The following KDF1 variants were observed in gnomAD, a reference collection of about 807,000 sequenced individuals.
KDF1 encodes keratinocyte differentiation factor 1, also known as RP11-344H11.3.
Under a neutral mutation model 31.6 loss-of-function variants are expected in KDF1, and 11 were observed. The observed-to-expected ratio is 0.35, with a 90% CI of 0.22 to 0.58. The LOEUF (loss-of-function observed/expected upper bound fraction) is 0.58, where lower values mean the gene tolerates loss of function less well. Among genes scored for constraint, KDF1 ranks in the 20% least tolerant of loss-of-function variants. The pLI, the probability that KDF1 is intolerant of heterozygous loss-of-function variation, is 0.83. For synonymous variants in KDF1, 205 were observed against 214.4 expected, an observed-to-expected ratio of 0.96 and a Z score of 0.38; for missense variants, 476 against 549.1, an observed-to-expected ratio of 0.87 and a Z score of 1.33.
At chr1:26,953,792 T>G (rs1218549323) in intron 1 of KDF1, among the ~76,000 whole-genome samples, 2 of 151,962 alleles carry the variant, frequency 1.3e-5, no homozygotes, top group Non-Finnish European at 2.9e-5. Flanking sequence ...CCATCCCTAC[T>G]GAAAATACAA....
chr1:26,951,583 A>G lies in KDF1; in HGVS notation c.798T>C (p.Thr266=). The part of the protein sequence containing the change: ...IDELAKCTSD[T]VFLEKTSKIS... ...TCTTACTGGTCTTCTCCAGGAACAC[A>G]GTGTCTGATGTGCACTTGGCCAGCT... Residue 266 remains threonine (T), a synonymous_variant, in exon 2 of 4, where the codon ACT becomes ACC. Coordinates refer to ENST00000320567, the MANE Select transcript of KDF1 (RefSeq NM_152365.3). The surrounding 1 kb of genome is among the most constrained non-coding windows in gnomAD (Gnocchi z 5.4). The G allele has an allele frequency of 6.2e-7, 1 of 1,613,098 alleles. No homozygotes were observed. Among genetic ancestry groups the G allele is most frequent in the Non-Finnish European group, 8.5e-7 (1 of 1,179,264 alleles).
intron 1 of KDF1, among the ~76,000 whole-genome samples, chr1:26,959,827 C>A (rs966726989): frequency 1.2e-4 from 18 of 152,196 alleles, no homozygotes; most frequent in African/African-American, 4.3e-4. Flanking sequence ...CGAGAAACAG[C>A]CGTCGGCTCA....
rs1363600645 is a variant in KDF1 at position 26,950,126 on chromosome 1, G to A, written c.1140C>T (p.Ser380=). The A allele has an allele frequency of 6.2e-7, 1 of 1,613,920 alleles. No individual in the cohort carries two copies. The highest frequency in any genetic ancestry group is 2.2e-5 in the East Asian group (1 of 44,870). ...ACGAGTCTGTGTCGGTGCCCTGGAAGGATGAGTCATGGCTTGCTGGGTACC... is the reference window on the plus strand; with the variant it reads ...ACGAGTCTGTGTCGGTGCCCTGGAAAGATGAGTCATGGCTTGCTGGGTACC... ...APGYPASHDS[S]FQGTDTDSSG... The change falls in exon 4 of 4, where the codon TCC becomes TCT. Residue 380 remains serine (S), a synonymous_variant. Coordinates refer to ENST00000320567, the MANE Select transcript of KDF1 (RefSeq NM_152365.3). The surrounding 1 kb of genome is among the most constrained non-coding windows in gnomAD (Gnocchi z 4.0).
At chr1:26,959,534 C>G (rs2082391447) in intron 1 of KDF1, among the ~76,000 whole-genome samples, 1 of 152,136 alleles carries the variant, frequency 6.6e-6, no homozygotes, top group Non-Finnish European at 1.5e-5. Context: ...CAGGGGGCTT[C>G]CCGCAGTGGC....
rs543646653 is a variant in KDF1, at chr1:26,960,331, G to C, written c.-33+19C>G. On this transcript the variant is annotated intron_variant, in intron 1 of 3. Coordinates refer to ENST00000320567, the MANE Select transcript of KDF1 (RefSeq NM_152365.3). This position sits in a 1 kb window ranked among gnomAD's most constrained non-coding sequence, Gnocchi z 4.9. ...GCGCCGCCCTGGCTTGCGCCCCCCTGGGCCCGCGCCGGGCTTACCTGTCCC... is the reference window on the plus strand; with the variant it reads ...GCGCCGCCCTGGCTTGCGCCCCCCTCGGCCCGCGCCGGGCTTACCTGTCCC... 14 of 152,296 alleles carry C rather than the reference G, an allele frequency of 9.2e-5. 1 individual carries two copies. The South Asian group carries it at 2.3e-3, about 25-fold the overall frequency. The allele number at this position is 152,296 out of a possible 1,614,324, so 9.4% of individuals were successfully genotyped here.
rs2082346737 is a variant in KDF1, at chr1:26,951,278, C to T, written c.1039+64G>A. 7.0e-7 allele frequency: 1 copy of T among 1,425,892 alleles called. No homozygotes were observed. Among genetic ancestry groups the T allele is most frequent in the South Asian group, 1.5e-5 (1 of 68,394 alleles). The allele number at this position is 1,425,892 out of a possible 1,614,324, so 88.3% of individuals were successfully genotyped here. ...ACCCACAGTGACTAAAGACCCCATT[C>T]CAACCCTCCCCTGGCCAGAGCCTCC... On this transcript the variant is annotated intron_variant, in intron 2 of 3. Transcript: ENST00000320567. This position sits in a 1 kb window ranked among gnomAD's most constrained non-coding sequence, Gnocchi z 5.4.
chr1:26,952,283 G>C lies in KDF1; in HGVS notation c.98C>G (p.Pro33Arg). Residue 33 changes from proline (P) to arginine (R), a missense_variant, in exon 2 of 4, where the codon CCA becomes CGA. Pro to Arg is a moderately radical substitution (Grantham distance 103). Coordinates refer to ENST00000320567, the MANE Select transcript of KDF1 (RefSeq NM_152365.3). This position sits in a 1 kb window ranked among gnomAD's most constrained non-coding sequence, Gnocchi z 4.1. The stretch of plus-strand genomic sequence containing the variant: ...GCGGCGGCTTGGTGGGGGCTGAGGT[G>C]GTTTATCATATGTCTCCAGACATAG... The part of the protein sequence containing the change: ...TELCLETYDK[P>R]PQPPPSRRTR... 1 of 1,562,334 alleles carries C rather than the reference G, an allele frequency of 6.4e-7. No individual in the cohort carries two copies. Among genetic ancestry groups the C allele is most frequent in the Middle Eastern group, 1.7e-4 (1 of 5,814 alleles).
In KDF1 at chr1:26,950,238, G is replaced by A. The variant is rs938812139; in HGVS notation, c.1115-87C>T. On this transcript the variant is annotated intron_variant, in intron 3 of 3. Transcript: ENST00000320567. This position sits in a 1 kb window ranked among gnomAD's most constrained non-coding sequence, Gnocchi z 4.0. ...TGACCAGGGAGAAGCCTGCTGAGAA[G>A]GAGCAGAGTGGGACTTGAGCCTGGG... is the stretch of plus-strand genomic sequence containing the variant. 2 of 1,247,120 alleles carry A rather than the reference G, an allele frequency of 1.6e-6. No individual in the cohort carries two copies. Among genetic ancestry groups the A allele is most frequent in the Non-Finnish European group, 2.3e-6 (2 of 852,218 alleles). The allele number at this position is 1,247,120 out of a possible 1,614,324, so 77.3% of individuals were successfully genotyped here.
Position 26,950,656 on chromosome 1 carries a change from C to A in KDF1, c.1114+26G>T. On this transcript the variant is annotated intron_variant, in intron 3 of 3. Transcript: ENST00000320567. The surrounding 1 kb of genome is among the most constrained non-coding windows in gnomAD (Gnocchi z 4.0). ...CCCTAGGGTAGTCCCCCACCCTCCA[C>A]ACCCCTCATTAGGTCAAGACCACAC... 1 of 1,600,998 alleles carries A rather than the reference C, an allele frequency of 6.2e-7. No individual in the cohort carries two copies. The highest frequency in any genetic ancestry group is 8.6e-7 in the Non-Finnish European group (1 of 1,168,286).
Position 26,951,025 on chromosome 1 carries a change from G to A in KDF1, c.1040-269C>T, listed in dbSNP as rs964411272. Among the ~76,000 whole-genome samples the A allele has an allele frequency of 1.3e-5, 2 of 152,178 alleles. No individual in the cohort carries two copies. Among genetic ancestry groups the A allele is most frequent in the African/African-American group, 4.8e-5 (2 of 41,448 alleles). On this transcript the variant is annotated intron_variant, in intron 2 of 3. Coordinates refer to ENST00000320567, the MANE Select transcript of KDF1 (RefSeq NM_152365.3). The surrounding 1 kb of genome is among the most constrained non-coding windows in gnomAD (Gnocchi z 5.4). ...CAGACCAGGCCTAGAAGCTACTCTG[G>A]CAGGAGACAGCAGAGGAGAGGAGCC...
rs1485546031 is a variant in KDF1 at position 26,951,594 on chromosome 1, T to A, written c.787A>T (p.Thr263Ser). ...TTCTCCAGGAACACAGTGTCTGATG[T>A]GCACTTGGCCAGCTCATCGATCTGG... ...VHQIDELAKC[T>S]SDTVFLEKTS... is the part of the protein sequence containing the mutation. Residue 263 changes from threonine to serine, a missense_variant, in exon 2 of 4, where the codon ACA becomes TCA. Physicochemically the swap from Thr to Ser is moderately conservative, Grantham distance 58 (BLOSUM62 1). Coordinates refer to ENST00000320567, the MANE Select transcript of KDF1 (RefSeq NM_152365.3). The surrounding 1 kb of genome is among the most constrained non-coding windows in gnomAD (Gnocchi z 5.4). 1 of 1,613,638 alleles carries A rather than the reference T, an allele frequency of 6.2e-7. No individual in the cohort carries two copies. The highest frequency in any genetic ancestry group is 8.5e-7 in the Non-Finnish European group (1 of 1,179,722).
At chr1:26,953,330 T>C (rs916692470) in intron 1 of KDF1, among the ~76,000 whole-genome samples, 7 of 152,204 alleles carry the variant, frequency 4.6e-5, no homozygotes, top group Non-Finnish European at 7.3e-5. Flanking sequence ...TGTAAAATGG[T>C]GCAGCTGCTA....
intron 1 of KDF1, among the ~76,000 whole-genome samples, chr1:26,953,964 A>G (rs2082364263): frequency 7.0e-6 from 1 of 143,828 alleles, no homozygotes; most frequent in Non-Finnish European, 1.6e-5. Flanking sequence ...CAAAAAAAAA[A>G]AAAAAAAGAC....
intron 1 of KDF1, among the ~76,000 whole-genome samples, chr1:26,959,152 C>T (rs1372152721): frequency 6.6e-6 from 1 of 152,184 alleles, no homozygotes. Flanking sequence ...GCACTGTGGC[C>T]CGCCAGGCTC....
intron 1 of KDF1, among the ~76,000 whole-genome samples, chr1:26,957,673 G>A (rs180675880): frequency 8.0e-4 from 122 of 152,274 alleles, no homozygotes; most frequent in African/African-American, 2.8e-3. Context: ...ATTCTAACAG[G>A]TGATTTTAAA....
Position 26,952,099 on chromosome 1 carries a change from G to A in KDF1, c.282C>T (p.Arg94=), listed in dbSNP as rs755438296. 1.2e-5 allele frequency: 20 copies of A among 1,613,226 alleles called. No individual in the cohort carries two copies. The Middle Eastern group carries it at 1.3e-3, about 106-fold the overall frequency. Residue 94 remains arginine (R), a synonymous_variant, in exon 2 of 4, where the codon CGC becomes CGT. Transcript: ENST00000320567. The surrounding 1 kb of genome is among the most constrained non-coding windows in gnomAD (Gnocchi z 4.1). ...EWCRAAFCFR[R]CRDCLQRCGA... ...CACAGCGCTGGAGGCAATCCCGGCA[G>A]CGGCGGAAGCAGAAGGCAGCCCGGC... is the stretch of plus-strand genomic sequence containing the variant.
At chr1:26,957,509 G>A (rs2082382261) in intron 1 of KDF1, among the ~76,000 whole-genome samples, 1 of 152,148 alleles carries the variant, frequency 6.6e-6, no homozygotes, top group African/African-American at 2.4e-5. Context: ...AGGTGCCTCA[G>A]GGGACTGACA....
intron 1 of KDF1, among the ~76,000 whole-genome samples, chr1:26,953,818 G>A (rs2082363333): frequency 6.6e-6 from 1 of 152,028 alleles, no homozygotes; most frequent in Admixed American, 6.6e-5. Flanking sequence ...AGCTGGGCGT[G>A]GTGGTGCACA....
intron 1 of KDF1, among the ~76,000 whole-genome samples, chr1:26,958,942 TACA>T (rs2082389138): frequency 6.6e-6 from 1 of 152,252 alleles, no homozygotes; most frequent in African/African-American, 2.4e-5. Flanking sequence ...ATTAAATTAA[TACA>T]ACGAGGTGCC....
Sources: allele counts gnomAD v4.1 joint callset (sites outside exome capture counted in the v4.1 genomes callset), GRCh38; gene constraint gnomAD v4.1.1; non-coding constraint Gnocchi (gnomAD v3.1); transcripts MANE v1.5; gene names NCBI Gene and HGNC (gene_info 2026-07-23, HGNC 2026-07-21).